The following ATG16L1 variants were observed in gnomAD, a reference collection of about 807,000 sequenced individuals.
The protein encoded by ATG16L1 is autophagy-related protein 16-1.
In ATG16L1, 37 loss-of-function variants were observed where a neutral mutation model predicts 88.5. The observed-to-expected ratio is 0.42, with a 90% CI of 0.32 to 0.55. The LOEUF (loss-of-function observed/expected upper bound fraction) is 0.55. Among genes scored for constraint, ATG16L1 ranks in the 20% least tolerant of loss-of-function variants. The pLI is 0.13. For missense variants in ATG16L1, 554 were observed against 752.8 expected (o/e 0.74, Z 3.09); for synonymous variants, 301 against 281.0 (o/e 1.07, Z -0.71).
chr2:233,280,785 A>G (rs759529601), intron 10 of ATG16L1, among the ~76,000 whole-genome samples: 18 of 152,226 alleles, frequency 1.2e-4, no homozygotes, highest in Non-Finnish European at 2.4e-4. Context: ...CCCAGTCTCT[A>G]GTTTGATTGA....
Position 233,292,008 on chromosome 2 carries a change from T to A in ATG16L1, c.1431-120T>A. 2.5e-6 allele frequency: 3 copies of A among 1,189,178 alleles called. No homozygotes were observed. In the South Asian group the frequency reaches 4.4e-5, roughly 18 times the overall value. 73.7% of individuals were successfully genotyped at this position (1,189,178 alleles called of 1,614,324 possible). On this transcript the variant is annotated intron_variant, in intron 14 of 17. Coordinates refer to ENST00000392017, the MANE Select transcript of ATG16L1 (RefSeq NM_030803.7). ...GGTTATTAGAAGACTGGGAACACAT[T>A]GACTGCGCTGGCAGAGCGTTGCATG...
intron 9 of ATG16L1, among the ~76,000 whole-genome samples, chr2:233,275,210 A>G (rs1056629788): frequency 1.3e-5 from 2 of 152,202 alleles, no homozygotes; most frequent in African/African-American, 2.4e-5. Context: ...TTAGGGGTCT[A>G]TGACTGGAAG....
At chr2:233,253,331 G>GGT (rs1696520248) in intron 1 of ATG16L1, among the ~76,000 whole-genome samples, 3 of 102,756 alleles carry the variant, frequency 2.9e-5, no homozygotes, top group Admixed American at 9.4e-5. Flanking sequence ...GGTGAGACTG[G>GGT]GTTTTTTTGT....
chr2:233,280,177 A>G (rs1698628912), intron 10 of ATG16L1, among the ~76,000 whole-genome samples: 1 of 152,242 alleles, frequency 6.6e-6, no homozygotes. Context: ...ATCTGGCTCC[A>G]ATCATTATTT....
At chr2:233,270,197 C>A in intron 6 of ATG16L1, 130 bp downstream of exon 6, 1 of 657,452 alleles carries the variant, frequency 1.5e-6, no homozygotes, top group Non-Finnish European at 2.4e-6. Context: ...GGCTGGAGTG[C>A]AGTGGTGTGA....
chr2:233,274,860 C>A, intron 9 of ATG16L1, 82 bp downstream of exon 9: 2 of 958,318 alleles, frequency 2.1e-6, no homozygotes, highest in Non-Finnish European at 3.2e-6. Flanking sequence ...TCTAGGCCTG[C>A]AGCTAAGCAT....
intron 2 of ATG16L1, among the ~76,000 whole-genome samples, chr2:233,261,080 C>T (rs558550786): frequency 1.6e-4 from 24 of 152,226 alleles, no homozygotes; most frequent in East Asian, 1.4e-3. Flanking sequence ...CTCAGCCTCC[C>T]GAATAGCTGG....
At chr2:233,279,441 G>C (rs1266055321) in intron 10 of ATG16L1, among the ~76,000 whole-genome samples, 1 of 152,160 alleles carries the variant, frequency 6.6e-6, no homozygotes, top group Non-Finnish European at 1.5e-5. Context: ...ATAAAATCAA[G>C]TTTCTACCTA....
At chr2:233,293,016 T>G (rs1434677859) in intron 16 of ATG16L1, among the ~76,000 whole-genome samples, 1 of 152,222 alleles carries the variant, frequency 6.6e-6, no homozygotes, top group Non-Finnish European at 1.5e-5. Context: ...TGTAGATGGT[T>G]AAGGACTTGG....
chr2:233,275,877 G>T (rs777702422), intron 9 of ATG16L1: 2 of 519,218 alleles, frequency 3.9e-6, no homozygotes, highest in South Asian at 1.4e-5. Flanking sequence ...GATTCTGTCA[G>T]TGTGTGTTTC....
At chr2:233,269,879 G>A (rs1697865830) in intron 5 of ATG16L1, 123 bp from the exon 6 acceptor site, 3 of 897,914 alleles carry the variant, frequency 3.3e-6, no homozygotes, top group South Asian at 4.6e-5. Flanking sequence ...ATTTTGCTCA[G>A]GGTAGTTGTT....
At chr2:233,280,385 C>T (rs1698643988) in intron 10 of ATG16L1, among the ~76,000 whole-genome samples, 1 of 152,186 alleles carries the variant, frequency 6.6e-6, no homozygotes, top group Non-Finnish European at 1.5e-5. Flanking sequence ...TTGCCCGTTA[C>T]TGAAATTTCC....
intron 1 of ATG16L1, among the ~76,000 whole-genome samples, chr2:233,254,828 G>T (rs751003406): frequency 6.6e-6 from 1 of 152,080 alleles, no homozygotes; most frequent in Non-Finnish European, 1.5e-5. Flanking sequence ...TCTTTAAAAG[G>T]AGAAACAAGC....
chr2:233,270,252 T>G (rs1697904016), intron 6 of ATG16L1, among the ~76,000 whole-genome samples, 185 bp downstream of exon 6: 1 of 152,062 alleles, frequency 6.6e-6, no homozygotes, highest in Admixed American at 6.6e-5. Context: ...ATCTTACAGA[T>G]TTTAGAAAGA....
At chr2:233,283,969 C>G (rs1382649629) in intron 12 of ATG16L1, among the ~76,000 whole-genome samples, 1 of 151,130 alleles carries the variant, frequency 6.6e-6, no homozygotes, top group Non-Finnish European at 1.5e-5. Flanking sequence ...CTCAGCCTCC[C>G]GAGTAGCTGG....
chr2:233,284,175 G>T (rs1329763064), intron 12 of ATG16L1, among the ~76,000 whole-genome samples: 11 of 146,924 alleles, frequency 7.5e-5, no homozygotes, highest in Non-Finnish European at 1.5e-4. Context: ...TTTTTTCTGA[G>T]ATGGAGCCTG....
At chr2:233,288,530 C>T (rs1699232975) in intron 12 of ATG16L1, 1 of 278,930 alleles carries the variant, frequency 3.6e-6, no homozygotes, top group African/African-American at 2.3e-5. Flanking sequence ...AATCCTCCCA[C>T]CTTGGCTTCC....
intron 4 of ATG16L1, among the ~76,000 whole-genome samples, chr2:233,264,668 C>T (rs555264205): frequency 2.0e-5 from 3 of 152,264 alleles, no homozygotes; most frequent in South Asian, 2.1e-4. Context: ...ATCTAAGCAT[C>T]GAAAGTTTCT....
intron 9 of ATG16L1, 54 bp from the exon 10 acceptor site, chr2:233,277,514 T>G: frequency 6.5e-7 from 1 of 1,539,558 alleles, no homozygotes; most frequent in Non-Finnish European, 9.0e-7. Flanking sequence ...TTCGCGCATC[T>G]TGAGCTCTTG....
Sources: gnomAD v4.1 joint callset for allele counts (sites outside exome capture counted in the v4.1 genomes callset) on GRCh38, gnomAD v4.1.1 for gene constraint, MANE v1.5 for transcripts, NCBI Gene and HGNC (gene_info 2026-07-23, HGNC 2026-07-21) for gene names.